The following NXNL2 variants were observed in gnomAD, a reference collection of about 807,000 sequenced individuals.
The protein encoded by NXNL2 is nucleoredoxin like 2.
Under a neutral mutation model 11.1 loss-of-function variants are expected in NXNL2, and 7 were observed. That is an observed-to-expected ratio of 0.63 (90% CI 0.36 to 1.18). NXNL2 has a LOEUF of 1.18. NXNL2 is among the 50% of genes most tolerant of loss of function. The pLI is 0.02. For missense variants in NXNL2, 233 were observed against 217.7 expected (o/e 1.07, Z -0.44); for synonymous variants, 109 against 101.8 (o/e 1.07, Z -0.42).
At chr9:88,557,944 G>A (rs541090063) in intron 1 of NXNL2, among the ~76,000 whole-genome samples, 5 of 152,284 alleles carry the variant, frequency 3.3e-5, no homozygotes, top group South Asian at 2.1e-4. Flanking sequence ...CACTGAGAAC[G>A]TGTTCAGTGG....
downstream of NXNL2, among the ~76,000 whole-genome samples, chr9:88,546,227 A>G (rs989727424): frequency 6.6e-6 from 1 of 151,768 alleles, no homozygotes; most frequent in African/African-American, 2.4e-5. Context: ...CCCTCCTGGT[A>G]AACGTGCTTG....
At chr9:88,556,894 G>A (rs1276307024) in intron 1 of NXNL2, among the ~76,000 whole-genome samples, 3 of 151,820 alleles carry the variant, frequency 2.0e-5, no homozygotes, top group South Asian at 2.1e-4. Context: ...TGGCTAACAC[G>A]GTGAAACCCC....
chr9:88,540,290 C>T (rs1829724278), intron 1 of NXNL2, among the ~76,000 whole-genome samples: 1 of 151,424 alleles, frequency 6.6e-6, no homozygotes, highest in Non-Finnish European at 1.5e-5. Flanking sequence ...CGAGATTGTA[C>T]CACTGCACTC....
rs1021181363 is a variant in NXNL2, at chr9:88,569,156, C to T, written c.303-1931C>T. On this transcript the variant is annotated intron_variant, in intron 1 of 2. Coordinates refer to the NXNL2 transcript ENST00000375855. ...ATGTTGCCCAGGCTGGTCTCGTACTCCTGGTCTCAAATGGTCCTCCTGCCT... is the reference window on the plus strand; with the variant it reads ...ATGTTGCCCAGGCTGGTCTCGTACTTCTGGTCTCAAATGGTCCTCCTGCCT... Among the ~76,000 whole-genome samples the T allele has an allele frequency of 7.2e-4, 109 of 152,252 alleles. 2 individuals carry two copies. Among genetic ancestry groups the T allele is most frequent in the Admixed American group, 6.9e-3 (105 of 15,286 alleles).
intron 1 of NXNL2, among the ~76,000 whole-genome samples, chr9:88,543,332 A>T (rs1379131862): frequency 6.6e-6 from 1 of 151,884 alleles, no homozygotes; most frequent in Admixed American, 6.6e-5. Context: ...AGAGGCACTA[A>T]CACGGCTCAC....
intron 1 of NXNL2, among the ~76,000 whole-genome samples, chr9:88,558,332 G>A (rs10114395): frequency 0.29 from 43,568 of 151,986 alleles, 10,424 homozygotes; most frequent in East Asian, 0.78. Flanking sequence ...TTCCTGGAGG[G>A]TGGTGTTCCC....
At chr9:88,574,111 C>CAT (rs1830313628) in intron 2 of NXNL2, among the ~76,000 whole-genome samples, 1 of 152,028 alleles carries the variant, frequency 6.6e-6, no homozygotes, top group African/African-American at 2.4e-5. Flanking sequence ...CAATTCCACT[C>CAT]ATATATATAT....
intron 1 of NXNL2, among the ~76,000 whole-genome samples, chr9:88,581,342 C>A (rs1349717553): frequency 2.0e-5 from 3 of 152,200 alleles, no homozygotes; most frequent in Non-Finnish European, 2.9e-5. Context: ...TGACCTCCAA[C>A]ACCCAGTGTG....
chr9:88,566,103 A>G (rs1021598673), intron 1 of NXNL2, among the ~76,000 whole-genome samples: 1 of 152,128 alleles, frequency 6.6e-6, no homozygotes, highest in Non-Finnish European at 1.5e-5. Context: ...TATCAGATAT[A>G]CAGTTTACAG....
rs180744717 is a variant in NXNL2 at position 88,583,335 on chromosome 9, G to A, written n.552-664G>A. ...TGGAATATCAGGGTTCACTCTTTCAGCAGGGCACAACTTCCAAGAGTGAGA... is the reference window on the plus strand; with the variant it reads ...TGGAATATCAGGGTTCACTCTTTCAACAGGGCACAACTTCCAAGAGTGAGA... On this transcript the variant is annotated intron_variant and non_coding_transcript_variant, in intron 1 of 1. Coordinates refer to the NXNL2 transcript ENST00000478686. Among the ~76,000 whole-genome samples the A allele has an allele frequency of 1.8e-3, 276 of 152,346 alleles. 2 individuals carry two copies. Among genetic ancestry groups the A allele is most frequent in the African/African-American group, 6.0e-3 (251 of 41,582 alleles).
chr9:88,540,935 ATTTTTTT>A lies in NXNL2; in HGVS notation c.303-3423_303-3417del, dbSNP rs71507764. Among the ~76,000 whole-genome samples, 75 of 91,074 alleles carry A rather than the reference ATTTTTTT, an allele frequency of 8.2e-4. 1 individual carries two copies. In the East Asian group the frequency reaches 0.011, roughly 13 times the overall value. The allele number at this position is 91,074 out of a possible 152,430, so 59.7% of individuals were successfully genotyped here. ...CTTTTTCCTTGCTCAATCTCAGTAGATTTTTTTTTTTTTTTTTTTTTTTTTTTGGAGC... is the reference window on the plus strand; with the variant it reads ...CTTTTTCCTTGCTCAATCTCAGTAGATTTTTTTTTTTTTTTTTTTTGGAGC... On this transcript the variant is annotated intron_variant, in intron 1 of 1. Transcript: ENST00000375854.
intron 1 of NXNL2, among the ~76,000 whole-genome samples, chr9:88,582,462 T>C (rs556245940): frequency 1.7e-4 from 26 of 151,780 alleles, no homozygotes; most frequent in South Asian, 8.3e-4. Flanking sequence ...GAGAGAGACT[T>C]CATCTCAAAA....
chr9:88,549,560 C>CT (rs1048330494), downstream of NXNL2, among the ~76,000 whole-genome samples: 12 of 151,974 alleles, frequency 7.9e-5, no homozygotes, highest in Non-Finnish European at 1.5e-4. Context: ...CACCTCATAG[C>CT]TTTTTTTTGT....
chr9:88,568,433 G>T (rs1564075982), intron 1 of NXNL2, among the ~76,000 whole-genome samples: 1 of 152,090 alleles, frequency 6.6e-6, no homozygotes, highest in Admixed American at 6.5e-5. Flanking sequence ...GCTCCGCACT[G>T]GGGAGGGTGA....
chr9:88,544,569 C>T lies in NXNL2; in HGVS notation c.*22C>T. On this transcript the variant is annotated 3_prime_UTR_variant, in exon 2 of 2. Transcript: ENST00000375854. ...TTGAAGTGGGAGGGACCTCAGAGGG[C>T]CAGGACAGGTGCTGCTTCTCCAGCA... 4 of 1,504,930 alleles carry T rather than the reference C, an allele frequency of 2.7e-6. No homozygotes were observed. The South Asian group carries it at 5.3e-5, about 20-fold the overall frequency. The allele number at this position is 1,504,930 out of a possible 1,614,324, so 93.2% of individuals were successfully genotyped here.
intron 1 of NXNL2, among the ~76,000 whole-genome samples, chr9:88,558,883 G>C (rs1830051864): frequency 6.6e-6 from 1 of 152,014 alleles, no homozygotes; most frequent in Non-Finnish European, 1.5e-5. Context: ...AGGTCTCAAG[G>C]GGAGAGATGG....
downstream of NXNL2, among the ~76,000 whole-genome samples, chr9:88,546,587 G>C (rs762740066): frequency 6.6e-6 from 1 of 151,648 alleles, no homozygotes; most frequent in Non-Finnish European, 1.5e-5. Flanking sequence ...GGCTAATTTT[G>C]TATTTTTAGT....
At chr9:88,571,324 C>T (rs185032238) in intron 2 of NXNL2, 122 of 226,326 alleles carry the variant, frequency 5.4e-4, no homozygotes, top group Non-Finnish European at 6.6e-4. Flanking sequence ...CTTGCCTCGA[C>T]CTTCCAAGGT....
chr9:88,562,323 G>A (rs781170418), intron 1 of NXNL2, among the ~76,000 whole-genome samples: 9 of 152,230 alleles, frequency 5.9e-5, no homozygotes, highest in East Asian at 1.9e-4. Flanking sequence ...GGCTGGGGGC[G>A]GCTGGGAGTG....
Sources: allele counts gnomAD v4.1 joint callset (sites outside exome capture counted in the v4.1 genomes callset), GRCh38; gene constraint gnomAD v4.1.1; transcripts MANE v1.5; gene names NCBI Gene and HGNC (gene_info 2026-07-23, HGNC 2026-07-21).